Variants in CWC27 observed in about 807,000 individuals in gnomAD.
CWC27 encodes the protein spliceosome-associated protein CWC27 homolog.
CWC27 carries 47 observed loss-of-function variants against 63.6 expected under a neutral mutation model. That is an observed-to-expected ratio of 0.74 (90% confidence interval 0.58 to 0.94). The LOEUF (loss-of-function observed/expected upper bound fraction) is 0.94, where lower values mean the gene tolerates loss of function less well. Among genes scored for constraint, CWC27 ranks in the 40% least tolerant of loss-of-function variants. The probability of loss-of-function intolerance (pLI) is 0.00; values close to 1 mark genes in which losing one functional copy is unlikely to be tolerated. For synonymous variants in CWC27, 175 were observed against 179.8 expected (o/e 0.97, Z 0.22); for missense variants, 495 against 554.3 (o/e 0.89, Z 1.07).
chr5:64,818,326 G>T (rs1214585605), intron 10 of CWC27, among the ~76,000 whole-genome samples: 4 of 152,084 alleles, frequency 2.6e-5, no homozygotes, highest in African/African-American at 7.2e-5. Flanking sequence ...ATTGAAAAAA[G>T]AATGTTTTCT....
intron 10 of CWC27, among the ~76,000 whole-genome samples, chr5:64,811,989 C>T (rs1455405154): frequency 1.4e-4 from 21 of 151,654 alleles, no homozygotes; most frequent in Non-Finnish European, 7.4e-5. Flanking sequence ...ATATTTTTTC[C>T]CCAGAATTTC....
intron 11 of CWC27, among the ~76,000 whole-genome samples, chr5:64,947,776 T>A (rs2112421816): frequency 6.6e-6 from 1 of 152,102 alleles, no homozygotes; most frequent in South Asian, 2.1e-4. Flanking sequence ...GCATTACATG[T>A]TTTTGGGGAG....
At chr5:64,933,553 CG>C (rs1336957955) in intron 11 of CWC27, among the ~76,000 whole-genome samples, 1 of 147,034 alleles carries the variant, frequency 6.8e-6, no homozygotes, top group African/African-American at 2.5e-5. Flanking sequence ...AGTACAGTGG[CG>C]CGATCTCGGC....
At chr5:64,822,724 T>C (rs10940005) in intron 10 of CWC27, among the ~76,000 whole-genome samples, 1 of 151,964 alleles carries the variant, frequency 6.6e-6, no homozygotes, top group African/African-American at 2.4e-5. Flanking sequence ...AATAGATTAA[T>C]TTTTTTAAAA....
chr5:64,772,885 C>T (rs2034994), intron 1 of CWC27, among the ~76,000 whole-genome samples: 76,182 of 150,206 alleles, frequency 0.51, 20,087 homozygotes, highest in East Asian at 0.84. Flanking sequence ...TGCAGTGAGC[C>T]GAGATCGTGC....
chr5:64,990,261 T>TG (rs1371122758), intron 13 of CWC27, among the ~76,000 whole-genome samples: 2 of 40,200 alleles, frequency 5.0e-5, no homozygotes, highest in Admixed American at 2.6e-4. Flanking sequence ...GTTTTTTTTT[T>TG]TTTTGTTTTT....
chr5:65,017,844 C>A (rs763677876), intron 13 of CWC27, among the ~76,000 whole-genome samples: 4 of 152,242 alleles, frequency 2.6e-5, no homozygotes, highest in Non-Finnish European at 4.4e-5. Flanking sequence ...ACAGTGTCCT[C>A]TGAGTTTACT....
At chr5:64,943,312 A>G (rs920409945) in intron 11 of CWC27, among the ~76,000 whole-genome samples, 1 of 152,220 alleles carries the variant, frequency 6.6e-6, no homozygotes, top group Non-Finnish European at 1.5e-5. Context: ...AAATTATCAG[A>G]AAATACTAAA....
intron 4 of CWC27, among the ~76,000 whole-genome samples, chr5:64,784,260 A>C (rs767724027): frequency 9.2e-5 from 14 of 152,178 alleles, no homozygotes; most frequent in Non-Finnish European, 1.9e-4. Context: ...AAAATGTGCC[A>C]CTTAGCCAAT....
At chr5:65,012,529 C>G (rs921232763) in intron 13 of CWC27, among the ~76,000 whole-genome samples, 1 of 152,182 alleles carries the variant, frequency 6.6e-6, no homozygotes, top group Non-Finnish European at 1.5e-5. Flanking sequence ...TTGTTTACTT[C>G]ATGGAAGTAG....
intron 11 of CWC27, among the ~76,000 whole-genome samples, chr5:64,915,342 G>C (rs116387499): frequency 6.6e-6 from 1 of 152,132 alleles, no homozygotes; most frequent in African/African-American, 2.4e-5. Flanking sequence ...TGATTATCCC[G>C]TAGGGAAAGA....
At chr5:64,873,217 A>G (rs1746718117) in intron 10 of CWC27, among the ~76,000 whole-genome samples, 1 of 152,188 alleles carries the variant, frequency 6.6e-6, no homozygotes, top group Non-Finnish European at 1.5e-5. Flanking sequence ...AAAATAGCCA[A>G]AGAAAGAAAG....
At chr5:64,971,261 A>C (rs1749119956) in intron 11 of CWC27, among the ~76,000 whole-genome samples, 1 of 152,170 alleles carries the variant, frequency 6.6e-6, no homozygotes, top group Non-Finnish European at 1.5e-5. Context: ...GATGCCATTA[A>C]ATTGAAGGTT....
chr5:65,002,501 T>G (rs986926830), intron 13 of CWC27, among the ~76,000 whole-genome samples: 2 of 152,192 alleles, frequency 1.3e-5, no homozygotes, highest in African/African-American at 4.8e-5. Flanking sequence ...CCATTTTCAT[T>G]TGTTTAAACA....
chr5:64,918,299 G>C (rs1315847162), intron 11 of CWC27, among the ~76,000 whole-genome samples: 2 of 152,150 alleles, frequency 1.3e-5, no homozygotes, highest in Non-Finnish European at 2.9e-5. Context: ...GGAAGATGTG[G>C]TCAAAGGATT....
intron 10 of CWC27, among the ~76,000 whole-genome samples, chr5:64,865,827 A>G (rs1028090951): frequency 7.9e-5 from 12 of 152,224 alleles, no homozygotes; most frequent in African/African-American, 2.9e-4. Flanking sequence ...AGTCATATAT[A>G]TAAACATTAT....
intron 10 of CWC27, among the ~76,000 whole-genome samples, chr5:64,830,792 A>G (rs1054601726): frequency 6.6e-6 from 1 of 152,186 alleles, no homozygotes; most frequent in African/African-American, 2.4e-5. Flanking sequence ...TTCTCAAAGG[A>G]AGACATTTAT....
At chr5:64,804,515 G>A (rs1744595642) in intron 10 of CWC27, 129 bp downstream of exon 10, 1 of 993,732 alleles carries the variant, frequency 1.0e-6, no homozygotes, top group Non-Finnish European at 1.4e-6. Context: ...CATAACAGTT[G>A]TACAAATTGG....
At chr5:64,867,728 G>A (rs548833657) in intron 10 of CWC27, among the ~76,000 whole-genome samples, 33 of 152,156 alleles carry the variant, frequency 2.2e-4, no homozygotes, top group African/African-American at 7.9e-4. Flanking sequence ...TGAAGTCTGA[G>A]CCATAGTCCA....
Sources: gnomAD v4.1 joint callset for allele counts (sites outside exome capture counted in the v4.1 genomes callset) on GRCh38, gnomAD v4.1.1 for gene constraint, MANE v1.5 for transcripts, NCBI Gene and HGNC (gene_info 2026-07-23, HGNC 2026-07-21) for gene names.